Variants in DCLRE1C observed in about 807,000 individuals in gnomAD.
DCLRE1C encodes protein artemis.
In DCLRE1C, 47 loss-of-function variants were observed where a neutral mutation model predicts 61.4. The observed-to-expected ratio is 0.77, with a 90% confidence interval of 0.61 to 0.98. The LOEUF (loss-of-function observed/expected upper bound fraction) is 0.98. DCLRE1C is among the 50% of genes least tolerant of loss of function. The probability of loss-of-function intolerance (pLI) is 0.00; values close to 1 mark genes in which losing one functional copy is unlikely to be tolerated. For synonymous variants in DCLRE1C, 337 were observed against 287.6 expected (o/e 1.17, Z -1.74); for missense variants, 858 against 816.0 (o/e 1.05, Z -0.63).
chr10:14,939,676 C>T (rs1239933198), intron 4 of DCLRE1C, 134 bp downstream of exon 4: 1 of 741,596 alleles, frequency 1.3e-6, no homozygotes, highest in African/African-American at 1.8e-5. Context: ...GTTAAATGAG[C>T]ATTCAAAATC....
chr10:14,919,728 T>C lies in DCLRE1C; in HGVS notation c.1156+10A>G. 6.2e-7 allele frequency: 1 copy of C among 1,607,758 alleles called. No individual in the cohort carries two copies. The highest frequency in any genetic ancestry group is 8.5e-7 in the Non-Finnish European group (1 of 1,174,554). ...GCCCACCCCTCTGAACCCAGGACCA[T>C]TTTTCTTACCTGAGTCTCGGTGAAC... is the stretch of plus-strand genomic sequence containing the variant. On this transcript the variant is annotated intron_variant, in intron 13 of 13. Coordinates refer to ENST00000378278, the MANE Select transcript of DCLRE1C (RefSeq NM_001033855.3).
chr10:14,924,406 G>A (rs1435050047), intron 11 of DCLRE1C, among the ~76,000 whole-genome samples: 1 of 152,206 alleles, frequency 6.6e-6, no homozygotes, highest in Non-Finnish European at 1.5e-5. Flanking sequence ...CAACCTAGAG[G>A]AACTTCAGCT....
intron 11 of DCLRE1C, 72 bp downstream of exon 11, chr10:14,926,771 G>A (rs756166411): frequency 1.4e-5 from 17 of 1,203,244 alleles, no homozygotes; most frequent in African/African-American, 4.5e-5. Flanking sequence ...GAGAGTCAGG[G>A]GACTACCTGT....
At position 14,928,042 on chromosome 10, in the gene DCLRE1C, C is replaced by G. The variant is rs760789521; in HGVS notation, c.891G>C (p.Arg297Ser). ...TCACAATTACATTTGTTTTTCTGCT[C>G]CTTTCTCCAAACCACATGGTGGATG... ...IKPSTMWFGE[R>S]SRKTNVIVRT... The change falls in exon 10 of 14, where the codon AGG (arginine) becomes AGC (serine). Residue 297 changes from arginine to serine, a missense_variant. Physicochemically the swap from Arg to Ser is moderately radical, Grantham distance 110 (BLOSUM62 -1). Transcript: ENST00000378278. 2 of 1,613,856 alleles carry G rather than the reference C, an allele frequency of 1.2e-6. No individual in the cohort carries two copies. The highest frequency in any genetic ancestry group is 2.2e-5 in the South Asian group (2 of 91,070).
chr10:14,949,205 A>G (rs1452346059), intron 1 of DCLRE1C, 118 bp from the exon 2 acceptor site: 2 of 728,774 alleles, frequency 2.7e-6, no homozygotes, highest in Non-Finnish European at 4.8e-6. Context: ...TTGCTTTTAT[A>G]AGAATTGATT....
In DCLRE1C at chr10:14,908,738, T is replaced by C. The variant is rs1262216079; in HGVS notation, c.1749A>G (p.Lys583=). 6.2e-7 allele frequency: 1 copy of C among 1,614,086 alleles called. No homozygotes were observed. Among genetic ancestry groups the C allele is most frequent in the African/African-American group, 1.3e-5 (1 of 74,932 alleles). The part of the protein sequence containing the change: ...LDKADYRPTI[K]ENIPASLMEQ... ...CCATGAGAGAGGCAGGAATATTCTC[T>C]TTGATTGTTGGTCTGTAGTCAGCTT... The change falls in exon 14 of 14, where the codon AAA becomes AAG. Residue 583 remains lysine, a synonymous_variant. Transcript: ENST00000378278.
At chr10:14,919,638 G>A (rs540446075) in intron 13 of DCLRE1C, 100 bp downstream of exon 13, 2 of 891,494 alleles carry the variant, frequency 2.2e-6, no homozygotes, top group African/African-American at 3.3e-5. Flanking sequence ...GTGGGTCCCA[G>A]GTCCACTCTG....
In DCLRE1C at chr10:14,908,790, T is replaced by G; in HGVS notation, c.1697A>C (p.Asn566Thr). ...DTVLLSSQERNSGDITSLDKA... is the reference protein window; with the variant it reads ...DTVLLSSQERTSGDITSLDKA... ...GTCCAAGGAAGTAATATCCCCACTGTTTCTCTCTTGGGAAGATAACAAAAC... is the reference window on the plus strand; with the variant it reads ...GTCCAAGGAAGTAATATCCCCACTGGTTCTCTCTTGGGAAGATAACAAAAC... Residue 566 changes from asparagine to threonine, a missense_variant, in exon 14 of 14, where the codon AAC (asparagine) becomes ACC (threonine). Coordinates refer to ENST00000378278, the MANE Select transcript of DCLRE1C (RefSeq NM_001033855.3). 3.7e-6 allele frequency: 6 copies of G among 1,614,230 alleles called. No homozygotes were observed. Among genetic ancestry groups the G allele is most frequent in the Non-Finnish European group, 5.1e-6 (6 of 1,180,036 alleles).
At chr10:14,902,349 T>C, downstream of DCLRE1C, 1 of 1,263,394 alleles carries the variant, frequency 7.9e-7, no homozygotes, top group Non-Finnish European at 1.1e-6. Flanking sequence ...AAATTTGAAA[T>C]TTATTCTAAA....
In DCLRE1C at chr10:14,907,000, C is replaced by T. The variant is rs886046833; in HGVS notation, c.*1408G>A. On this transcript the variant is annotated 3_prime_UTR_variant, in exon 14 of 14. Coordinates refer to ENST00000378278, the MANE Select transcript of DCLRE1C (RefSeq NM_001033855.3). ...CCTGCCACCTAAGCCTTCCAAGTAG[C>T]GAGGACTACAGGTGCACACCACCAT... Among the ~76,000 whole-genome samples, 3 of 151,900 alleles carry T rather than the reference C, an allele frequency of 2.0e-5. No individual in the cohort carries two copies. The highest frequency in any genetic ancestry group is 1.9e-4 in the East Asian group (1 of 5,180).
intron 3 of DCLRE1C, among the ~76,000 whole-genome samples, chr10:14,943,638 C>T (rs1470573066): frequency 2.0e-5 from 3 of 152,114 alleles, no homozygotes; most frequent in Admixed American, 6.5e-5. Flanking sequence ...CTGCAACCTC[C>T]GCCTCCCAGG....
chr10:14,898,077 A>G (rs955675468), exon 14 of DCLRE1C: 12 of 149,452 alleles, frequency 8.0e-5, no homozygotes, highest in Non-Finnish European at 1.6e-4. Context: ...ATTTGTATAC[A>G]AATCATATAT....
downstream of DCLRE1C, among the ~76,000 whole-genome samples, chr10:14,901,660 G>T (rs550679749): frequency 6.2e-4 from 94 of 151,398 alleles, 1 homozygote; most frequent in African/African-American, 2.2e-3. Flanking sequence ...GTGAAACTCT[G>T]TCTCTACAAA....
At position 14,904,632 on chromosome 10, in the gene DCLRE1C, T is replaced by C. The variant is rs565088393; in HGVS notation, c.*3776A>G. On this transcript the variant is annotated 3_prime_UTR_variant, in exon 14 of 14. Transcript: ENST00000378278. ...AACATGTAGTTTTGTTTTGTCTTTA[T>C]TGATAGAATGTAATGGGCCTTTGGG... Among the ~76,000 whole-genome samples the C allele has an allele frequency of 2.0e-5, 3 of 152,340 alleles. No individual in the cohort carries two copies. The highest frequency in any genetic ancestry group is 1.3e-4 in the Admixed American group (2 of 15,298).
chr10:14,916,473 C>A (rs1836210523), intron 13 of DCLRE1C, among the ~76,000 whole-genome samples: 1 of 152,156 alleles, frequency 6.6e-6, no homozygotes, highest in Non-Finnish European at 1.5e-5. Context: ...CAAAGGAAAT[C>A]CTTATTGCAG....
At chr10:14,911,404 A>G (rs1286938757) in intron 13 of DCLRE1C, 1 of 152,272 alleles carries the variant, frequency 6.6e-6, no homozygotes, top group Non-Finnish European at 1.5e-5. Flanking sequence ...ACAAAGCTCA[A>G]GAATGTTTTT....
chr10:14,923,188 C>T (rs954614823), intron 11 of DCLRE1C, 119 bp from the exon 12 acceptor site: 3 of 787,320 alleles, frequency 3.8e-6, no homozygotes, highest in African/African-American at 3.4e-5. Context: ...GTTCTCAATG[C>T]TGGCTGCACG....
chr10:14,902,549 T>A, downstream of DCLRE1C: 2 of 1,329,712 alleles, frequency 1.5e-6, no homozygotes, highest in South Asian at 2.9e-5. Context: ...TTATAATATT[T>A]TTTTCCTAAT....
At chr10:14,932,789 C>G (rs964564169) in intron 9 of DCLRE1C, 65 bp downstream of exon 9, 86 of 1,578,218 alleles carry the variant, frequency 5.4e-5, no homozygotes, top group Non-Finnish European at 6.8e-5. Flanking sequence ...TAAATGGAAG[C>G]CCTGACCTTT....
Sources: allele counts gnomAD v4.1 joint callset (sites outside exome capture counted in the v4.1 genomes callset), GRCh38; gene constraint gnomAD v4.1.1; transcripts MANE v1.5; gene names NCBI Gene and HGNC (gene_info 2026-07-23, HGNC 2026-07-21).